AHI1: variants seen among roughly 807,000 people sequenced by gnomAD.
AHI1 encodes the protein Abelson helper integration site 1, also known as jouberin.
AHI1 carries 123 observed loss-of-function variants against 149.3 expected under a neutral mutation model. The ratio of observed to expected loss-of-function variants is 0.82; its 90% confidence interval spans 0.71 to 0.96. The LOEUF (loss-of-function observed/expected upper bound fraction) is 0.96. AHI1 is among the 40% of genes least tolerant of loss of function. The pLI is 0.00. For synonymous variants in AHI1, 475 were observed against 459.8 expected (o/e 1.03, Z -0.42); for missense variants, 1,439 against 1,422.7 (o/e 1.01, Z -0.18).
intron 4 of AHI1, 110 bp from the exon 5 acceptor site, chr6:135,490,857 T>C (rs1351655325): frequency 2.3e-6 from 3 of 1,305,860 alleles, no homozygotes; most frequent in Admixed American, 2.5e-5. Context: ...ATGAGTTCTC[T>C]AGCTACATTA....
At position 135,463,285 on chromosome 6, in the gene AHI1, G is replaced by C; in HGVS notation, c.771C>G (p.Asp257Glu). Reference sequence around the variant, plus strand: ...CTTTCTTTTGTTCACCTTCAACTGTGTCACCAGAGATGGTCAATGTACTAC... The same window carrying C: ...CTTTCTTTTGTTCACCTTCAACTGTCTCACCAGAGATGGTCAATGTACTAC... Reference protein sequence around the residue: ...AETSTLTISGDTVEGEQKKES... With the variant: ...AETSTLTISGETVEGEQKKES... Residue 257 changes from aspartate (D) to glutamate (E), a missense_variant, in exon 8 of 29, where the codon GAC becomes GAG. Physicochemically the swap from Asp to Glu is conservative, Grantham distance 45. Transcript: ENST00000265602. The C allele has an allele frequency of 6.2e-7, 1 of 1,607,800 alleles. No homozygotes were observed. The highest frequency in any genetic ancestry group is 8.5e-7 in the Non-Finnish European group (1 of 1,178,516).
At chr6:135,405,785 G>A (rs1396995413) in intron 21 of AHI1, among the ~76,000 whole-genome samples, 1 of 151,192 alleles carries the variant, frequency 6.6e-6, no homozygotes, top group Non-Finnish European at 1.5e-5. Flanking sequence ...ACTTGAATCT[G>A]GGAGGTGGAG....
chr6:135,406,506 T>A (rs1438580147), intron 21 of AHI1, among the ~76,000 whole-genome samples: 1 of 152,142 alleles, frequency 6.6e-6, no homozygotes, highest in Middle Eastern at 3.2e-3. Context: ...CCCTATAGGA[T>A]GGTTTGAGAA....
At position 135,290,543 on chromosome 6, in the gene AHI1, C is replaced by CA. The variant is rs1782213252; in HGVS notation, c.3486-19dup. On this transcript the variant is annotated intron_variant, in intron 27 of 28. Coordinates refer to ENST00000265602, the MANE Select transcript of AHI1 (RefSeq NM_001134831.2). ...TTTCAGAACTATAGGAGGGAAAGATCAGAAACAAGGAGCCAGTAAAAGAGA... is the reference window on the plus strand; with the variant it reads ...TTTCAGAACTATAGGAGGGAAAGATCAAGAAACAAGGAGCCAGTAAAAGAGA... The CA allele has an allele frequency of 6.2e-7, 1 of 1,613,110 alleles. No homozygotes were observed. The highest frequency in any genetic ancestry group is 1.7e-5 in the Admixed American group (1 of 59,946).
At chr6:135,496,499 A>T (rs1795984590) in intron 2 of AHI1, among the ~76,000 whole-genome samples, 1 of 149,970 alleles carries the variant, frequency 6.7e-6, no homozygotes, top group Non-Finnish European at 1.5e-5. Context: ...GCAAAAAATC[A>T]GATAGGACTT....
chr6:135,451,535 T>C (rs912497815), intron 11 of AHI1, among the ~76,000 whole-genome samples: 1 of 152,046 alleles, frequency 6.6e-6, no homozygotes, highest in Non-Finnish European at 1.5e-5. Flanking sequence ...CTAAAAAGCT[T>C]ACAGTCTAAT....
In AHI1 at chr6:135,371,944, T is replaced by C. The variant is rs148607284; in HGVS notation, c.3110-13757A>G. Reference sequence around the variant, plus strand: ...GAGGGCTTTCAGCCAGCAGAAGCTATAAATCCCCTTGGAAATGGGCAATAT... The same window carrying C: ...GAGGGCTTTCAGCCAGCAGAAGCTACAAATCCCCTTGGAAATGGGCAATAT... On this transcript the variant is annotated intron_variant, in intron 23 of 28. Transcript: ENST00000265602. Among the ~76,000 whole-genome samples, 78 of 152,332 alleles carry C rather than the reference T, an allele frequency of 5.1e-4. 2 individuals are homozygous for C. In the East Asian group the frequency reaches 0.014, roughly 27 times the overall value.
intron 5 of AHI1, among the ~76,000 whole-genome samples, chr6:135,478,093 G>A (rs899075353): frequency 6.6e-5 from 10 of 152,116 alleles, no homozygotes; most frequent in Admixed American, 2.6e-4. Flanking sequence ...GAGCCACAGC[G>A]CCGAGCCTCA....
chr6:135,373,329 G>A (rs79908619), intron 23 of AHI1, among the ~76,000 whole-genome samples: 2,455 of 152,292 alleles, frequency 0.016, 37 homozygotes, highest in Non-Finnish European at 0.025. Context: ...GGTTTGTAGT[G>A]TAGGAACAGT....
At chr6:135,318,289 C>A (rs890933887) in intron 26 of AHI1, 3 of 420,394 alleles carry the variant, frequency 7.1e-6, no homozygotes, top group Non-Finnish European at 1.3e-5. Context: ...TGTCCCATCA[C>A]TTAGGCTGTG....
chr6:135,441,566 C>G (rs1786305161), intron 14 of AHI1, among the ~76,000 whole-genome samples: 1 of 150,920 alleles, frequency 6.6e-6, no homozygotes, highest in South Asian at 2.1e-4. Flanking sequence ...GAGATTTAAG[C>G]AATATCTCAA....
intron 11 of AHI1, among the ~76,000 whole-genome samples, chr6:135,449,007 C>T (rs1407400556): frequency 6.6e-6 from 1 of 151,906 alleles, no homozygotes; most frequent in East Asian, 1.9e-4. Flanking sequence ...ATTTTTAAAA[C>T]CCTATTAAAC....
chr6:135,391,176 T>C (rs918932616), intron 23 of AHI1, among the ~76,000 whole-genome samples: 4 of 152,320 alleles, frequency 2.6e-5, no homozygotes, highest in Admixed American at 2.6e-4. Flanking sequence ...ATTACTCACA[T>C]AGATGCCAGC....
At chr6:135,340,680 T>TATAC (rs1483481743) in intron 24 of AHI1, among the ~76,000 whole-genome samples, 2 of 135,558 alleles carry the variant, frequency 1.5e-5, no homozygotes, top group Non-Finnish European at 3.2e-5. Flanking sequence ...TATATATATA[T>TATAC]ATATATATAT....
intron 26 of AHI1, among the ~76,000 whole-genome samples, chr6:135,313,875 A>G (rs1385905815): frequency 6.6e-6 from 1 of 152,072 alleles, no homozygotes; most frequent in Non-Finnish European, 1.5e-5. Context: ...ATACTAAGGG[A>G]GGGGGGGTCA....
intron 28 of AHI1, among the ~76,000 whole-genome samples, chr6:135,285,986 C>T (rs932952974): frequency 2.0e-5 from 3 of 152,142 alleles, no homozygotes; most frequent in African/African-American, 7.2e-5. Flanking sequence ...AGCAGGCAAT[C>T]AGAGTATATG....
At chr6:135,458,401 A>C (rs1789316224) in intron 8 of AHI1, among the ~76,000 whole-genome samples, 1 of 152,192 alleles carries the variant, frequency 6.6e-6, no homozygotes, top group African/African-American at 2.4e-5. Flanking sequence ...CAAACACATG[A>C]CCAATTCTTC....
intron 20 of AHI1, among the ~76,000 whole-genome samples, chr6:135,421,479 T>C (rs919501467): frequency 6.6e-6 from 1 of 152,180 alleles, no homozygotes; most frequent in African/African-American, 2.4e-5. Flanking sequence ...ATAGAATATA[T>C]GCTATTCTAA....
At position 135,431,247 on chromosome 6, in the gene AHI1, A is replaced by G; in HGVS notation, c.2334T>C (p.Asn778=). The G allele has an allele frequency of 6.2e-7, 1 of 1,608,020 alleles. No homozygotes were observed. Among genetic ancestry groups the G allele is most frequent in the Non-Finnish European group, 8.5e-7 (1 of 1,176,288 alleles). Reference sequence around the variant, plus strand: ...AGTGGTGCACTGAATGTTCCAAATCATTAATCTTGACATAGGTATTCCAAA... The same window carrying G: ...AGTGGTGCACTGAATGTTCCAAATCGTTAATCTTGACATAGGTATTCCAAA... ...IVVWNTYVKI[N]DLEHSVHHWT... is the part of the protein sequence containing the mutation. The change falls in exon 17 of 29, where the codon AAT becomes AAC. Residue 778 remains asparagine (N), a synonymous_variant. Coordinates refer to ENST00000265602, the MANE Select transcript of AHI1 (RefSeq NM_001134831.2).
Sources: gnomAD v4.1 joint callset for allele counts (sites outside exome capture counted in the v4.1 genomes callset) on GRCh38, gnomAD v4.1.1 for gene constraint, MANE v1.5 for transcripts, NCBI Gene and HGNC (gene_info 2026-07-23, HGNC 2026-07-21) for gene names.